The following ARAP2 variants were observed in gnomAD, a reference collection of about 807,000 sequenced individuals.
ARAP2 encodes the protein arf-GAP with Rho-GAP domain, ANK repeat and PH domain-containing protein 2.
Under a neutral mutation model 194.5 loss-of-function variants are expected in ARAP2, and 148 were observed. The observed-to-expected ratio is 0.76, with a 90% CI of 0.67 to 0.87. ARAP2 has a LOEUF of 0.87. Ranked by LOEUF, ARAP2 falls within the 40% of genes least tolerant of loss-of-function variation. The pLI is 0.00. For synonymous variants in ARAP2, 695 were observed against 683.5 expected, an observed-to-expected ratio of 1.02 and a Z score of -0.26; for missense variants, 2,128 against 1,989.7, an observed-to-expected ratio of 1.07 and a Z score of -1.32.
chr4:36,036,296 T>C (rs1384391512), intron 5 of ARAP2, among the ~76,000 whole-genome samples: 1 of 152,164 alleles, frequency 6.6e-6, no homozygotes, highest in African/African-American at 2.4e-5. Context: ...TTAAATCTTC[T>C]AATCCATGGA....
chr4:36,023,175 G>T (rs1235980551), intron 5 of ARAP2, among the ~76,000 whole-genome samples: 1 of 152,134 alleles, frequency 6.6e-6, no homozygotes, highest in Non-Finnish European at 1.5e-5. Context: ...TAACTAGGCT[G>T]CCTGTGATTC....
chr4:36,170,398 A>G (rs543460877), intron 9 of ARAP2, among the ~76,000 whole-genome samples: 14 of 152,320 alleles, frequency 9.2e-5, no homozygotes, highest in Non-Finnish European at 7.4e-5. Flanking sequence ...GACCAGCCTG[A>G]GCAACATAGT....
In ARAP2 at chr4:36,229,259, T is replaced by C. The variant is rs1006354427; in HGVS notation, c.228A>G (p.Ile76Met). Residue 76 changes from isoleucine (I) to methionine (M), a missense_variant, in exon 2 of 33, where the codon ATA (isoleucine) becomes ATG (methionine). Transcript: ENST00000303965. Reference sequence around the variant, plus strand: ...TCTTAGTTTTATGAACATTTGCATATATTGGAATATCTTGCATTTTTGACA... The same window carrying C: ...TCTTAGTTTTATGAACATTTGCATACATTGGAATATCTTGCATTTTTGACA... ...IILSKMQDIP[I>M]YANVHKTKKN... is the part of the protein sequence containing the mutation. The C allele has an allele frequency of 1.9e-6, 3 of 1,614,052 alleles. No homozygotes were observed. The highest frequency in any genetic ancestry group is 2.2e-5 in the East Asian group (1 of 44,884).
chr4:36,200,132 A>G (rs1197416969), intron 6 of ARAP2, among the ~76,000 whole-genome samples: 1 of 152,226 alleles, frequency 6.6e-6, no homozygotes, highest in African/African-American at 2.4e-5. Flanking sequence ...AACTATCAAC[A>G]TTCAATTAGT....
At chr4:36,035,229 A>G (rs1719712880) in intron 5 of ARAP2, among the ~76,000 whole-genome samples, 1 of 151,982 alleles carries the variant, frequency 6.6e-6, no homozygotes, top group South Asian at 2.1e-4. Context: ...TTTGGTGGGT[A>G]GGCTATTTAT....
chr4:36,055,250 A>C (rs963908618), intron 2 of ARAP2, among the ~76,000 whole-genome samples: 2 of 152,192 alleles, frequency 1.3e-5, no homozygotes, highest in South Asian at 4.1e-4. Context: ...GTAATTTTGT[A>C]ATATGGTTAT....
intron 31 of ARAP2, among the ~76,000 whole-genome samples, chr4:36,078,408 T>C (rs1461446634): frequency 6.6e-6 from 1 of 152,134 alleles, no homozygotes; most frequent in Non-Finnish European, 1.5e-5. Flanking sequence ...ATTACAAAAG[T>C]ACTCTGAATA....
At chr4:36,240,733 G>A (rs1171803249) in intron 1 of ARAP2, among the ~76,000 whole-genome samples, 3 of 152,108 alleles carry the variant, frequency 2.0e-5, no homozygotes, top group East Asian at 3.8e-4. Context: ...GGTAGGCTCT[G>A]GGCAAAATCA....
At chr4:36,205,121 G>A (rs114929282) in intron 6 of ARAP2, among the ~76,000 whole-genome samples, 2,090 of 149,270 alleles carry the variant, frequency 0.014, 44 homozygotes, top group African/African-American at 0.042. Context: ...GTTCAAAAAT[G>A]AGTAGCCTTT....
intron 19 of ARAP2, among the ~76,000 whole-genome samples, chr4:36,134,503 C>T (rs1019488116): frequency 1.3e-5 from 2 of 151,624 alleles, no homozygotes; most frequent in Non-Finnish European, 3.0e-5. Flanking sequence ...GTCACTACAG[C>T]CCCTCCTTAC....
At chr4:36,129,739 C>T (rs182790536) in intron 20 of ARAP2, among the ~76,000 whole-genome samples, 1 of 151,932 alleles carries the variant, frequency 6.6e-6, no homozygotes, top group East Asian at 1.9e-4. Flanking sequence ...GAGAACCCAT[C>T]CAACCTCATC....
In ARAP2 at chr4:36,160,508, T is replaced by A; in HGVS notation, c.2393A>T (p.Lys798Ile). The change falls in exon 13 of 33, where the codon AAA (lysine) becomes ATA (isoleucine). Residue 798 changes from lysine to isoleucine, a missense_variant. Physicochemically the swap from Lys to Ile is moderately radical, Grantham distance 102 (BLOSUM62 -3). Coordinates refer to ENST00000303965, the MANE Select transcript of ARAP2 (RefSeq NM_015230.4). ...AGATGCCAAAAGAGTTTTTCTGAAT[T>A]TTCCTTCTTTATATTTCTGAGTAAT... ...NFITQKYKEG[K>I]FRKTLLASLT... The A allele has an allele frequency of 6.4e-7, 1 of 1,572,380 alleles. No homozygotes were observed.
At chr4:36,156,809 C>CA (rs1218961650) in intron 15 of ARAP2, among the ~76,000 whole-genome samples, 3 of 152,114 alleles carry the variant, frequency 2.0e-5, no homozygotes, top group African/African-American at 7.2e-5. Context: ...ATTATACAGA[C>CA]AAAATACAAA....
intron 6 of ARAP2, among the ~76,000 whole-genome samples, chr4:36,198,281 C>CG (rs2109937841): frequency 6.6e-6 from 1 of 152,248 alleles, no homozygotes; most frequent in Admixed American, 6.5e-5. Context: ...CTGGCTGATC[C>CG]GGGGGCTTTT....
At chr4:36,128,094 A>C (rs1186969012) in intron 21 of ARAP2, among the ~76,000 whole-genome samples, 3 of 152,014 alleles carry the variant, frequency 2.0e-5, no homozygotes, top group South Asian at 2.1e-4. Flanking sequence ...AGTTAAAAAA[A>C]TTGTTATATA....
At chr4:36,121,391 C>T (rs532338578) in intron 22 of ARAP2, 65 bp from the exon 23 acceptor site, 3 of 1,431,524 alleles carry the variant, frequency 2.1e-6, no homozygotes, top group Admixed American at 2.3e-5. Context: ...GAACAGAAAG[C>T]CAGTTTATCA....
At chr4:36,010,581 G>T (rs1249918694) in intron 9 of ARAP2, among the ~76,000 whole-genome samples, 3 of 152,060 alleles carry the variant, frequency 2.0e-5, no homozygotes, top group Non-Finnish European at 4.4e-5. Flanking sequence ...GCTTATCAAA[G>T]ACAACAATTC....
At chr4:36,034,130 G>A (rs1265397260) in intron 5 of ARAP2, among the ~76,000 whole-genome samples, 2 of 152,002 alleles carry the variant, frequency 1.3e-5, no homozygotes, top group Admixed American at 6.6e-5. Flanking sequence ...CACTATTCAG[G>A]CTCTTTTTGG....
chr4:36,147,882 A>C, intron 17 of ARAP2, 136 bp from the exon 18 acceptor site: 1 of 731,750 alleles, frequency 1.4e-6, no homozygotes, highest in Non-Finnish European at 2.2e-6. Flanking sequence ...ACCAAATTCA[A>C]AACAACTAAA....
Sources: allele counts gnomAD v4.1 joint callset (sites outside exome capture counted in the v4.1 genomes callset), GRCh38; gene constraint gnomAD v4.1.1; transcripts MANE v1.5; gene names NCBI Gene and HGNC (gene_info 2026-07-23, HGNC 2026-07-21).